Variants in ADAM9 observed in about 807,000 individuals in gnomAD.
The protein encoded by ADAM9 is ADAM metallopeptidase domain 9.
A neutral mutation model predicts 108.1 loss-of-function variants in ADAM9; 54 were observed. That is an observed-to-expected ratio of 0.50 (90% CI 0.40 to 0.63). The LOEUF (loss-of-function observed/expected upper bound fraction) is 0.63, where lower values mean the gene tolerates loss of function less well. ADAM9 is among the 20% of genes least tolerant of loss of function. ADAM9 has a pLI of 0.00. For missense variants in ADAM9, 830 were observed against 997.7 expected, an observed-to-expected ratio of 0.83 and a Z score of 2.26; for synonymous variants, 316 against 336.0, an observed-to-expected ratio of 0.94 and a Z score of 0.65.
At chr8:39,097,671 T>TA (rs1839554735) in intron 20 of ADAM9, among the ~76,000 whole-genome samples, 1 of 152,160 alleles carries the variant, frequency 6.6e-6, no homozygotes, top group African/African-American at 2.4e-5. Flanking sequence ...TATTGAATTA[T>TA]GAAATGTTTG....
chr8:39,064,810 CTTGA>C (rs1389543016), intron 14 of ADAM9, among the ~76,000 whole-genome samples: 1 of 152,150 alleles, frequency 6.6e-6, no homozygotes, highest in African/African-American at 2.4e-5. Flanking sequence ...GGACTAAATA[CTTGA>C]TTGATGGGGA....
intron 11 of ADAM9, among the ~76,000 whole-genome samples, chr8:39,039,951 A>C (rs13282163): frequency 0.064 from 9,814 of 152,208 alleles, 426 homozygotes; most frequent in South Asian, 0.14. Context: ...GGGAACTCCT[A>C]TTGTTTTCCA....
At position 39,071,413 on chromosome 8, in the gene ADAM9, G is replaced by A; in HGVS notation, c.1697+10G>A. 1 of 1,592,504 alleles carries A rather than the reference G, an allele frequency of 6.3e-7. No homozygotes were observed. The highest frequency in any genetic ancestry group is 1.3e-5 in the African/African-American group (1 of 74,432). ...AGAAGTGTGCCACTGGGTAAGTGGA[G>A]GTGCGGTCATAATGGAATATGAAAG... is the stretch of plus-strand genomic sequence containing the variant. On this transcript the variant is annotated intron_variant, in intron 15 of 21. Transcript: ENST00000487273.
At chr8:39,055,280 A>G (rs886840797) in intron 13 of ADAM9, among the ~76,000 whole-genome samples, 3 of 152,142 alleles carry the variant, frequency 2.0e-5, no homozygotes, top group Admixed American at 6.6e-5. Flanking sequence ...CCTTATGCCA[A>G]TATTGGGTAC....
chr8:39,025,570 G>A (rs1442148526), intron 9 of ADAM9, among the ~76,000 whole-genome samples: 1 of 151,958 alleles, frequency 6.6e-6, no homozygotes, highest in Non-Finnish European at 1.5e-5. Flanking sequence ...CACCTAGAAG[G>A]TAAAAAGAAA....
chr8:39,027,218 C>T (rs4733902), intron 11 of ADAM9, among the ~76,000 whole-genome samples: 123,126 of 152,182 alleles, frequency 0.81, 49,958 homozygotes, highest in East Asian at 0.95. Context: ...TTGGATTACA[C>T]TGAAGGACTG....
intron 12 of ADAM9, among the ~76,000 whole-genome samples, chr8:39,047,715 C>T (rs1473616935): frequency 6.6e-6 from 1 of 151,908 alleles, no homozygotes; most frequent in Non-Finnish European, 1.5e-5. Context: ...TATTGCTTAT[C>T]TTTTGAAAAA....
chr8:39,083,216 T>C (rs771293334), intron 18 of ADAM9, 143 bp downstream of exon 18: 137 of 688,760 alleles, frequency 2.0e-4, no homozygotes, highest in Non-Finnish European at 3.2e-4. Flanking sequence ...TGTGACTGTT[T>C]CCATTTTTCT....
intron 13 of ADAM9, 138 bp from the exon 14 acceptor site, chr8:39,055,439 G>C (rs1838088345): frequency 1.2e-6 from 1 of 835,088 alleles, no homozygotes; most frequent in Admixed American, 2.1e-5. Flanking sequence ...GTTAGCCATT[G>C]TTCATTTTTC....
chr8:39,006,288 A>C (rs1271730678), intron 1 of ADAM9, among the ~76,000 whole-genome samples: 1 of 152,180 alleles, frequency 6.6e-6, no homozygotes, highest in Non-Finnish European at 1.5e-5. Context: ...AGAGTTTAAA[A>C]GCTGTTTATA....
intron 15 of ADAM9, 94 bp from the exon 16 acceptor site, chr8:39,077,131 TAGC>T: frequency 7.6e-7 from 1 of 1,320,032 alleles, no homozygotes; most frequent in East Asian, 2.4e-5. Flanking sequence ...ATTCCCTCCA[TAGC>T]AGCAAACTCT....
In ADAM9 at chr8:39,104,653, C is replaced by T; in HGVS notation, c.*953C>T. 1 of 450,490 alleles carries T rather than the reference C, an allele frequency of 2.2e-6. No homozygotes were observed. The highest frequency in any genetic ancestry group is 4.4e-6 in the Non-Finnish European group (1 of 225,600). 27.9% of individuals were successfully genotyped at this position (450,490 alleles called of 1,614,324 possible). On this transcript the variant is annotated 3_prime_UTR_variant, in exon 22 of 22. Transcript: ENST00000487273. ...GCTATTAAATCATTTAGAATGTTTA[C>T]ATTTACTAAGGTGTGCTGGGTCATG...
chr8:39,037,319 G>A (rs1837314342), intron 11 of ADAM9, among the ~76,000 whole-genome samples: 1 of 145,762 alleles, frequency 6.9e-6, no homozygotes, highest in Non-Finnish European at 1.5e-5. Flanking sequence ...AAAGTGCTGG[G>A]ATTACAAGCG....
intron 11 of ADAM9, among the ~76,000 whole-genome samples, chr8:39,031,277 A>C (rs1405540305): frequency 1.3e-5 from 2 of 152,202 alleles, no homozygotes; most frequent in Non-Finnish European, 2.9e-5. Flanking sequence ...TATTTTTTGC[A>C]TATGAATATC....
rs190520852 is a variant in ADAM9, at chr8:39,019,935, G to A, written c.672+1017G>A. 3.3e-4 allele frequency among the ~76,000 whole-genome samples: 50 copies of A among 152,298 alleles called. No homozygotes were observed. The East Asian group carries it at 9.4e-3, about 29-fold the overall frequency. On this transcript the variant is annotated intron_variant, in intron 7 of 21. Transcript: ENST00000487273. Reference sequence around the variant, plus strand: ...AAGTGTGAACTCTGCCCCAAACAGTGGGCAAAAAGCTTCTGTAGAAGAATG... The same window carrying A: ...AAGTGTGAACTCTGCCCCAAACAGTAGGCAAAAAGCTTCTGTAGAAGAATG...
chr8:39,028,582 C>T (rs1837000042), intron 11 of ADAM9, among the ~76,000 whole-genome samples: 2 of 152,072 alleles, frequency 1.3e-5, no homozygotes, highest in South Asian at 2.1e-4. Context: ...GAAACAGTGC[C>T]ATAGTGGAAT....
chr8:39,077,446 GAAAAAAATT>G (rs781470800), intron 16 of ADAM9, 35 bp downstream of exon 16: 77 of 1,552,442 alleles, frequency 5.0e-5, no homozygotes, highest in Non-Finnish European at 6.5e-5. Context: ...AAAGTAAAAT[GAAAAAAATT>G]AAAAAAATTA....
intron 18 of ADAM9, among the ~76,000 whole-genome samples, chr8:39,087,920 A>T (rs1322556347): frequency 2.0e-5 from 3 of 152,228 alleles, no homozygotes; most frequent in African/African-American, 7.2e-5. Flanking sequence ...CTTACCAATA[A>T]CATAAACAGT....
chr8:39,056,656 A>C (rs1376019356), intron 14 of ADAM9, among the ~76,000 whole-genome samples: 1 of 152,078 alleles, frequency 6.6e-6, no homozygotes, highest in Non-Finnish European at 1.5e-5. Context: ...AGAGTTACTA[A>C]TTCTGTCTTT....
Sources: gnomAD v4.1 joint callset for allele counts (sites outside exome capture counted in the v4.1 genomes callset) on GRCh38, gnomAD v4.1.1 for gene constraint, MANE v1.5 for transcripts, NCBI Gene and HGNC (gene_info 2026-07-23, HGNC 2026-07-21) for gene names.